The following LRMDA variants were observed in gnomAD, a reference collection of about 807,000 sequenced individuals.
The protein encoded by LRMDA is leucine rich melanocyte differentiation associated.
In LRMDA, 18 loss-of-function variants were observed where a neutral mutation model predicts 29.8. The observed-to-expected ratio is 0.60, with a 90% CI of 0.42 to 0.90. The LOEUF (loss-of-function observed/expected upper bound fraction) is 0.90. Among genes scored for constraint, LRMDA ranks in the 40% least tolerant of loss-of-function variants. The pLI, the probability that LRMDA is intolerant of heterozygous loss-of-function variation, is 0.00. For synonymous variants in LRMDA, 125 were observed against 109.4 expected (o/e 1.14, Z -0.89); for missense variants, 273 against 273.9 (o/e 1.00, Z 0.02).
chr10:75,801,345 A>T (rs1309441108), intron 2 of LRMDA, among the ~76,000 whole-genome samples: 1 of 152,182 alleles, frequency 6.6e-6, no homozygotes, highest in Middle Eastern at 3.2e-3. Context: ...AGGCAGTGAG[A>T]CTGAAGCTTT....
intron 5 of LRMDA, among the ~76,000 whole-genome samples, chr10:76,253,120 A>G (rs1287416803): frequency 6.6e-6 from 1 of 152,116 alleles, no homozygotes; most frequent in Non-Finnish European, 1.5e-5. Flanking sequence ...AAACTCTCCC[A>G]TCCCTTGCTT....
At chr10:75,797,139 T>A (rs1046939940) in intron 2 of LRMDA, among the ~76,000 whole-genome samples, 2 of 152,136 alleles carry the variant, frequency 1.3e-5, no homozygotes, top group African/African-American at 4.8e-5. Context: ...ATTATAACTT[T>A]AATTTAATAA....
chr10:76,434,679 C>A (rs1311148401), intron 6 of LRMDA, among the ~76,000 whole-genome samples: 1 of 152,182 alleles, frequency 6.6e-6, no homozygotes, highest in African/African-American at 2.4e-5. Context: ...CAGGCTCTGG[C>A]AAGATGCTCA....
intron 2 of LRMDA, among the ~76,000 whole-genome samples, chr10:75,824,948 T>C (rs1844224130): frequency 6.6e-6 from 1 of 152,186 alleles, no homozygotes; most frequent in Non-Finnish European, 1.5e-5. Flanking sequence ...TTTAAATTAT[T>C]TGGGGTGGTA....
chr10:75,917,308 G>A (rs1261126643), intron 2 of LRMDA, among the ~76,000 whole-genome samples: 3 of 152,212 alleles, frequency 2.0e-5, no homozygotes, highest in East Asian at 1.9e-4. Flanking sequence ...AAACCCATCC[G>A]GTGAGTTCTC....
chr10:75,641,225 A>G (rs2059995), intron 2 of LRMDA, among the ~76,000 whole-genome samples: 10,534 of 152,190 alleles, frequency 0.069, 452 homozygotes, highest in South Asian at 0.14. Flanking sequence ...TGGGAGGTTA[A>G]AAAGAGAATA....
chr10:75,959,574 G>C (rs898071173), intron 2 of LRMDA, among the ~76,000 whole-genome samples: 4 of 151,998 alleles, frequency 2.6e-5, no homozygotes, highest in Non-Finnish European at 4.4e-5. Flanking sequence ...GGGGTTTGCT[G>C]CCACCCTTTG....
At chr10:75,480,315 C>A (rs1330939562) in intron 2 of LRMDA, among the ~76,000 whole-genome samples, 83 of 113,160 alleles carry the variant, frequency 7.3e-4, no homozygotes, top group African/African-American at 2.9e-3. Flanking sequence ...GTAAGGTGGC[C>A]TTGGGAGCTG....
chr10:76,322,673 A>T (rs1840785858), intron 5 of LRMDA, among the ~76,000 whole-genome samples: 1 of 152,244 alleles, frequency 6.6e-6, no homozygotes, highest in Admixed American at 6.5e-5. Flanking sequence ...TCAACAGCCC[A>T]AATTGAGATT....
chr10:76,246,402 C>G (rs1317634923), intron 5 of LRMDA, among the ~76,000 whole-genome samples: 1 of 152,182 alleles, frequency 6.6e-6, no homozygotes, highest in Non-Finnish European at 1.5e-5. Flanking sequence ...TCCCACACCT[C>G]CTCTCATGTC....
intron 6 of LRMDA, among the ~76,000 whole-genome samples, chr10:76,540,081 A>G (rs1015480694): frequency 6.6e-5 from 10 of 152,108 alleles, no homozygotes; most frequent in East Asian, 3.9e-4. Context: ...TGTGTATTGT[A>G]TAACACAACT....
chr10:76,446,501 A>G (rs1270235686), intron 6 of LRMDA, among the ~76,000 whole-genome samples: 1 of 152,178 alleles, frequency 6.6e-6, no homozygotes, highest in Non-Finnish European at 1.5e-5. Flanking sequence ...CTATGTCAAG[A>G]TTGCTAATCA....
chr10:76,154,323 G>A lies in LRMDA; in HGVS notation c.516+95540G>A, dbSNP rs4746369. ...ATTCTGTTTTGTTGTCAGATTACGT[G>A]TCAGAAGAATATATCCCCATAAGGA... is the stretch of plus-strand genomic sequence containing the variant. On this transcript the variant is annotated intron_variant, in intron 5 of 6. Transcript: ENST00000611255. Among the ~76,000 whole-genome samples, 252 of 152,266 alleles carry A rather than the reference G, an allele frequency of 1.7e-3. 1 individual carries two copies. The highest frequency in any genetic ancestry group is 5.7e-3 in the African/African-American group (236 of 41,542).
At chr10:75,884,270 T>TGTGTGG (rs1845343996) in intron 2 of LRMDA, among the ~76,000 whole-genome samples, 1 of 149,882 alleles carries the variant, frequency 6.7e-6, no homozygotes, top group African/African-American at 2.5e-5. Context: ...TGTGTGTGTG[T>TGTGTGG]GTGTGTGTGT....
chr10:75,475,660 T>C (rs1844782392), intron 2 of LRMDA, among the ~76,000 whole-genome samples: 1 of 152,196 alleles, frequency 6.6e-6, no homozygotes, highest in Non-Finnish European at 1.5e-5. Context: ...TAGAATCCTC[T>C]CGTGTTATTT....
intron 6 of LRMDA, among the ~76,000 whole-genome samples, chr10:76,516,939 T>A (rs1843067955): frequency 6.6e-6 from 1 of 152,198 alleles, no homozygotes; most frequent in Non-Finnish European, 1.5e-5. Context: ...AGTAAAACTT[T>A]CAGTATAAAA....
At chr10:75,544,797 C>T (rs546769835) in intron 2 of LRMDA, among the ~76,000 whole-genome samples, 13 of 151,862 alleles carry the variant, frequency 8.6e-5, no homozygotes, top group East Asian at 1.9e-4. Flanking sequence ...GTATAATTGA[C>T]GAATAAAAAT....
At position 76,448,244 on chromosome 10, in the gene LRMDA, C is replaced by G. The variant is rs370387720; in HGVS notation, c.602-108965C>G. Reference sequence around the variant, plus strand: ...CGTTTTATATCCTTCTCTTTTATACCAGCCATTATAGGGTGGATTTACCAT... The same window carrying G: ...CGTTTTATATCCTTCTCTTTTATACGAGCCATTATAGGGTGGATTTACCAT... On this transcript the variant is annotated intron_variant, in intron 6 of 6. Coordinates refer to ENST00000611255, the MANE Select transcript of LRMDA (RefSeq NM_001305581.2). 9.2e-5 allele frequency among the ~76,000 whole-genome samples: 14 copies of G among 151,942 alleles called. No homozygotes were observed. The East Asian group carries it at 1.7e-3, about 19-fold the overall frequency.
intron 2 of LRMDA, among the ~76,000 whole-genome samples, chr10:75,891,898 A>T (rs1182013422): frequency 6.6e-6 from 1 of 152,208 alleles, no homozygotes; most frequent in Non-Finnish European, 1.5e-5. Context: ...CTTATCAGCC[A>T]TCCAAATGGA....
Sources: allele counts gnomAD v4.1 joint callset (sites outside exome capture counted in the v4.1 genomes callset), GRCh38; gene constraint gnomAD v4.1.1; transcripts MANE v1.5; gene names NCBI Gene and HGNC (gene_info 2026-07-23, HGNC 2026-07-21).